The following WDR77 variants were observed in gnomAD, a reference collection of about 807,000 sequenced individuals.
The protein encoded by WDR77 is methylosome protein WDR77.
In WDR77, 31 loss-of-function variants were observed where a neutral mutation model predicts 44.0. The observed-to-expected ratio is 0.70, with a 90% CI of 0.53 to 0.95. The LOEUF (loss-of-function observed/expected upper bound fraction) is 0.95. Ranked by LOEUF, WDR77 falls within the 40% of genes least tolerant of loss-of-function variation. WDR77 has a pLI of 0.00. For synonymous variants in WDR77, 186 were observed against 165.7 expected (o/e 1.12, Z -0.94); for missense variants, 390 against 423.9 (o/e 0.92, Z 0.70).
At chr1:111,446,040 G>C (rs56678756) in intron 4 of WDR77, among the ~76,000 whole-genome samples, 3,164 of 152,318 alleles carry the variant, frequency 0.021, 106 homozygotes, top group African/African-American at 0.072. Context: ...CAAAGTGCTG[G>C]GATTACAGGC....
At chr1:111,446,598 T>C (rs1287485767) in intron 4 of WDR77, among the ~76,000 whole-genome samples, 2 of 152,104 alleles carry the variant, frequency 1.3e-5, no homozygotes, top group East Asian at 3.9e-4. Flanking sequence ...AGTGGAGAGA[T>C]GAGTGCCACT....
chr1:111,448,635 T>C lies in WDR77; in HGVS notation c.285A>G (p.Leu95=), dbSNP rs1653158974. The change falls in exon 2 of 10, where the codon CTA becomes CTG. Residue 95 remains leucine (L), a synonymous_variant. Coordinates refer to ENST00000235090, the MANE Select transcript of WDR77 (RefSeq NM_024102.4). ...DLTWVGERGI[L]VASDSGAVEL... ...GTGACTCACCTGAATCGGAGGCCAC[T>C]AGAATACCTCTCTCCCCAACCCAAG... The C allele has an allele frequency of 1.9e-6, 3 of 1,614,100 alleles. No individual in the cohort carries two copies. The highest frequency in any genetic ancestry group is 1.7e-5 in the Admixed American group (1 of 60,020).
intron 9 of WDR77, 143 bp downstream of exon 9, chr1:111,441,882 C>T (rs1432919579): frequency 3.7e-6 from 3 of 818,008 alleles, no homozygotes; most frequent in East Asian, 2.6e-5. Context: ...CAACAGCCAG[C>T]CTGCTTCCAT....
chr1:111,448,701 G>A lies in WDR77; in HGVS notation c.219C>T (p.Cys73=), dbSNP rs111326962. Residue 73 remains cysteine (C), a synonymous_variant, in exon 2 of 10, where the codon TGC becomes TGT. Transcript: ENST00000235090. ...CAGCCTCCGTTTGGACTCCGGCGGAGCAGAAGCCTTCGTTGGGGGCGGCAC... is the reference window on the plus strand; with the variant it reads ...CAGCCTCCGTTTGGACTCCGGCGGAACAGAAGCCTTCGTTGGGGGCGGCAC... ...DPCAAPNEGF[C]SAGVQTEAGV... is the part of the protein sequence containing the mutation. The A allele has an allele frequency of 3.1e-6, 5 of 1,614,228 alleles. No homozygotes were observed. The highest frequency in any genetic ancestry group is 1.7e-4 in the Middle Eastern group (1 of 6,060).
chr1:111,442,467 G>GA (rs1415789648), intron 8 of WDR77, among the ~76,000 whole-genome samples, 186 bp downstream of exon 8: 1 of 152,126 alleles, frequency 6.6e-6, no homozygotes, highest in Non-Finnish European at 1.5e-5. Flanking sequence ...CATCTAATCT[G>GA]AAAAATCCTT....
intron 8 of WDR77, 170 bp from the exon 9 acceptor site, chr1:111,442,263 G>A: frequency 3.1e-6 from 2 of 652,226 alleles, no homozygotes; most frequent in Non-Finnish European, 5.4e-6. Flanking sequence ...AAGTAAAGAT[G>A]AGGGAAATGA....
intron 8 of WDR77, 79 bp downstream of exon 8, chr1:111,442,574 T>C (rs527865670): frequency 3.1e-6 from 3 of 979,904 alleles, no homozygotes; most frequent in East Asian, 2.8e-5. Context: ...CTTCATCAGC[T>C]AATGCTTTGA....
At chr1:111,444,237 C>G in intron 4 of WDR77, 113 bp from the exon 5 acceptor site, 1 of 970,702 alleles carries the variant, frequency 1.0e-6, no homozygotes. Context: ...TCTCATGATG[C>G]AATTTAACAA....
chr1:111,444,301 T>C (rs1162505273), intron 4 of WDR77, among the ~76,000 whole-genome samples, 177 bp from the exon 5 acceptor site: 1 of 151,840 alleles, frequency 6.6e-6, no homozygotes, highest in African/African-American at 2.4e-5. Context: ...GTTTATAGAC[T>C]TATAAAACCT....
At chr1:111,448,370 A>T (rs1042755846) in intron 2 of WDR77, among the ~76,000 whole-genome samples, 3 of 152,212 alleles carry the variant, frequency 2.0e-5, no homozygotes, top group Non-Finnish European at 4.4e-5. Flanking sequence ...GTTACACAGA[A>T]GAAAAATGGT....
chr1:111,444,024 G>C (rs754110907), intron 5 of WDR77, 30 bp downstream of exon 5: 1 of 1,613,896 alleles, frequency 6.2e-7, no homozygotes, highest in South Asian at 1.1e-5. Flanking sequence ...TGGCTGGAGT[G>C]TGTTTAGGGA....
chr1:111,441,906 C>T, intron 9 of WDR77, 119 bp downstream of exon 9: 7 of 1,024,512 alleles, frequency 6.8e-6, no homozygotes, highest in East Asian at 4.9e-5. Context: ...CAAGTCCCTT[C>T]GGATACAGAT....
chr1:111,442,226 C>T lies in WDR77; in HGVS notation c.801-133G>A, dbSNP rs557748443. The T allele has an allele frequency of 5.3e-5, 41 of 780,392 alleles. No individual in the cohort carries two copies. In the African/African-American group the frequency reaches 6.1e-4, roughly 12 times the overall value. The allele number at this position is 780,392 out of a possible 1,614,324, so 48.3% of individuals were successfully genotyped here. On this transcript the variant is annotated intron_variant, in intron 8 of 9. Coordinates refer to ENST00000235090, the MANE Select transcript of WDR77 (RefSeq NM_024102.4). ...TGATTCCCACTTTTGGCTAATCTGG[C>T]TACTACAAGTCCACACTAAAAGTTT...
chr1:111,449,180 C>A lies in WDR77; in HGVS notation c.-11G>T. 1.3e-6 allele frequency: 2 copies of A among 1,565,854 alleles called. No individual in the cohort carries two copies. Among genetic ancestry groups the A allele is most frequent in the Non-Finnish European group, 1.7e-6 (2 of 1,162,362 alleles). On this transcript the variant is annotated 5_prime_UTR_variant, in exon 1 of 10. Transcript: ENST00000235090. ...GGTTTCCTTCCGCATCTCCACGGTT[C>A]CAACTCCAACCTAGACTCAAACTGG...
chr1:111,446,361 C>T (rs1653031959), intron 4 of WDR77, among the ~76,000 whole-genome samples: 1 of 151,920 alleles, frequency 6.6e-6, no homozygotes, highest in Admixed American at 6.6e-5. Flanking sequence ...GAAAGAGGGG[C>T]ATTAAAAAAG....
chr1:111,441,591 T>C (rs995299557), intron 9 of WDR77: 3 of 1,291,754 alleles, frequency 2.3e-6, no homozygotes, highest in Non-Finnish European at 2.0e-6. Context: ...TCTATTTTCA[T>C]AGATGAAGAA....
At chr1:111,442,804 A>G in intron 7 of WDR77, 43 bp from the exon 8 acceptor site, 1 of 1,377,184 alleles carries the variant, frequency 7.3e-7, no homozygotes, top group Non-Finnish European at 9.7e-7. Flanking sequence ...AAGAGCATGG[A>G]CTTTTGTGCC....
intron 7 of WDR77, 31 bp from the exon 8 acceptor site, chr1:111,442,792 T>C (rs974683609): frequency 6.9e-7 from 1 of 1,458,266 alleles, no homozygotes. Context: ...GTCATAGTGA[T>C]TAAGAGCATG....
In WDR77 at chr1:111,441,296, C is replaced by G; in HGVS notation, c.963G>C (p.Gln321His). 1 of 1,586,810 alleles carries G rather than the reference C, an allele frequency of 6.3e-7. No homozygotes were observed. ...SLLTTVGWDH[Q>H]VVHHVVPTEP... ...CTGTGGGCACAACGTGGTGGACGAC[C>G]TGATGGTCCCAGCCCACTGTGGTAA... The change falls in exon 10 of 10, where the codon CAG becomes CAC. Residue 321 changes from glutamine to histidine, a missense_variant. Gln to His is a conservative substitution (Grantham distance 24). Transcript: ENST00000235090.
Sources: gnomAD v4.1 joint callset for allele counts (sites outside exome capture counted in the v4.1 genomes callset) on GRCh38, gnomAD v4.1.1 for gene constraint, MANE v1.5 for transcripts, NCBI Gene and HGNC (gene_info 2026-07-23, HGNC 2026-07-21) for gene names.